SERPINB9: variants seen among roughly 807,000 people sequenced by gnomAD.
The protein encoded by SERPINB9 is serpin B9.
SERPINB9 carries 20 observed loss-of-function variants against 27.2 expected under a neutral mutation model. The observed-to-expected ratio is 0.74, with a 90% confidence interval of 0.52 to 1.07. The LOEUF (loss-of-function observed/expected upper bound fraction) is 1.07. SERPINB9 is among the 50% of genes least tolerant of loss of function. The pLI is 0.00. For missense variants in SERPINB9, 476 were observed against 460.1 expected, an observed-to-expected ratio of 1.03 and a Z score of -0.32; for synonymous variants, 189 against 180.0, an observed-to-expected ratio of 1.05 and a Z score of -0.40.
intron 1 of SERPINB9, among the ~76,000 whole-genome samples, chr6:2,901,825 G>T (rs1048479067): frequency 5.9e-5 from 9 of 151,746 alleles, no homozygotes; most frequent in Admixed American, 6.6e-5. Flanking sequence ...CCGAGCCTCT[G>T]GTCTCCCTAG....
rs1767710125 is a variant in SERPINB9, at chr6:2,889,559, G to T, written c.*604C>A. On this transcript the variant is annotated 3_prime_UTR_variant, in exon 7 of 7. Coordinates refer to ENST00000380698, the MANE Select transcript of SERPINB9 (RefSeq NM_004155.6). ...AAATACAAAAAATTAGCCGGGCGTG[G>T]TGGCGGGCGCCTGTAGTCCCAGCTA... 6.6e-6 allele frequency: 1 copy of T among 151,872 alleles called. No homozygotes were observed. The highest frequency in any genetic ancestry group is 1.5e-5 in the Non-Finnish European group (1 of 67,976). 9.4% of individuals were successfully genotyped at this position (151,872 alleles called of 1,614,324 possible). A position where few individuals can be genotyped will look rare whatever the true frequency, so the allele number is the denominator to read the frequency against.
In SERPINB9 at chr6:2,896,192, T is replaced by C; in HGVS notation, c.169-2A>G. 1.2e-6 allele frequency: 2 copies of C among 1,612,094 alleles called. No homozygotes were observed. The highest frequency in any genetic ancestry group is 1.7e-6 in the Non-Finnish European group (2 of 1,179,426). Reference sequence around the variant, plus strand: ...TTCCTCTGTGTTTAAAGACAGTGCCTGTTGTGAAAGATAATTTTAAAAGTT... The same window carrying C: ...TTCCTCTGTGTTTAAAGACAGTGCCCGTTGTGAAAGATAATTTTAAAAGTT... On this transcript the variant is annotated splice_acceptor_variant, in intron 2 of 6. Coordinates refer to ENST00000380698, the MANE Select transcript of SERPINB9 (RefSeq NM_004155.6). LOFTEE classifies it high-confidence loss of function.
At chr6:2,900,885 T>TCTCTCACACACACACACA (rs61100591) in intron 1 of SERPINB9, among the ~76,000 whole-genome samples, 1,792 of 141,562 alleles carry the variant, frequency 0.013, 22 homozygotes, top group African/African-American at 0.035. Context: ...GCTCGCTCTC[T>TCTCTCACACACACACACA]CACACACACA....
intron 4 of SERPINB9, 95 bp downstream of exon 4, chr6:2,895,296 G>A: frequency 1.3e-6 from 1 of 751,132 alleles, no homozygotes; most frequent in Non-Finnish European, 2.3e-6. Flanking sequence ...GGGAGAGGAG[G>A]AGGAGAGAGG....
rs568269623 is a variant in SERPINB9, at chr6:2,894,191, G to A, written c.425-638C>T. On this transcript the variant is annotated intron_variant, in intron 4 of 6. Transcript: ENST00000380698. The surrounding 1 kb of genome is among the most constrained non-coding windows in gnomAD (Gnocchi z 4.7). ...CCCACTGCCTGAAGAGAGCATCCGT[G>A]GTAAATACTCCAAGCAGGAATGCGG... Among the ~76,000 whole-genome samples the A allele has an allele frequency of 2.6e-5, 4 of 152,218 alleles. No homozygotes were observed. The highest frequency in any genetic ancestry group is 6.5e-5 in the Admixed American group (1 of 15,296).
chr6:2,892,109 A>T, intron 5 of SERPINB9, 121 bp from the exon 6 acceptor site: 2 of 143,144 alleles, frequency 1.4e-5, no homozygotes, highest in Non-Finnish European at 1.3e-5. Flanking sequence ...TAACACTAAA[A>T]AAAAAAAAAA....
chr6:2,898,760 G>A (rs897535261), intron 2 of SERPINB9, among the ~76,000 whole-genome samples: 1 of 151,636 alleles, frequency 6.6e-6, no homozygotes, highest in Admixed American at 6.6e-5. Context: ...CTTGCAGTAA[G>A]CTGAGATCGC....
At position 2,888,279 on chromosome 6, in the gene SERPINB9, T is replaced by C. The variant is rs1767662064; in HGVS notation, c.*1884A>G. 1 of 152,184 alleles carries C rather than the reference T, an allele frequency of 6.6e-6. No homozygotes were observed. The highest frequency in any genetic ancestry group is 1.5e-5 in the Non-Finnish European group (1 of 68,032). The allele number at this position is 152,184 out of a possible 1,614,324, so 9.4% of individuals were successfully genotyped here. On this transcript the variant is annotated 3_prime_UTR_variant, in exon 7 of 7. Transcript: ENST00000380698. The stretch of plus-strand genomic sequence containing the variant: ...ACTGCTGTGGAAAACAGTTTGTCTG[T>C]TCCTCAAAAAGCTAAACATAGAATT...
Position 2,896,227 on chromosome 6 carries a change from G to T in SERPINB9, c.169-37C>A, listed in dbSNP as rs1448045817. 1.9e-6 allele frequency: 3 copies of T among 1,599,194 alleles called. 1 individual carries two copies. The South Asian group carries it at 3.4e-5, about 18-fold the overall frequency. On this transcript the variant is annotated intron_variant, in intron 2 of 6. Coordinates refer to ENST00000380698, the MANE Select transcript of SERPINB9 (RefSeq NM_004155.6). ...GATAATTTTAAAAGTTATCAAGATA[G>T]CTCTTTGATGGCTGGGGAGAGGAGA...
chr6:2,892,105 T>TAAAAAAAAAAAAAAAAAA lies in SERPINB9; in HGVS notation c.568-135_568-118dup, dbSNP rs535487251. On this transcript the variant is annotated intron_variant, in intron 5 of 6. Transcript: ENST00000380698. ...GCCACATTCATGCCCCAGTTAACAC[T>TAAAAAAAAAAAAAAAAAA]AAAAAAAAAAAAAAAAAAAAAAAAA... The TAAAAAAAAAAAAAAAAAA allele has an allele frequency of 1.9e-5, 2 of 107,666 alleles. 1 individual carries two copies. Among genetic ancestry groups the TAAAAAAAAAAAAAAAAAA allele is most frequent in the African/African-American group, 1.5e-4 (2 of 12,948 alleles). The allele number at this position is 107,666 out of a possible 1,614,324, so 6.7% of individuals were successfully genotyped here.
chr6:2,890,368 A>G lies in SERPINB9; in HGVS notation c.926T>C (p.Leu309Pro), dbSNP rs753268514. Residue 309 changes from leucine (L) to proline (P), a missense_variant, in exon 7 of 7, where the codon CTG (leucine) becomes CCG (proline). Physicochemically the swap from Leu to Pro is moderately conservative, Grantham distance 98 (BLOSUM62 -3). Transcript: ENST00000380698. This position sits in a 1 kb window ranked among gnomAD's most constrained non-coding sequence, Gnocchi z 6.2. ...DLSAMSAERD[L>P]CLSKFVHKSF... Reference sequence around the variant, plus strand: ...CTTGTGCACGAACTTGGACAGACACAGGTCTCTCTCCGCTGACATTGCCGA... The same window carrying G: ...CTTGTGCACGAACTTGGACAGACACGGGTCTCTCTCCGCTGACATTGCCGA... 11 of 1,614,114 alleles carry G rather than the reference A, an allele frequency of 6.8e-6. No individual in the cohort carries two copies. The highest frequency in any genetic ancestry group is 2.2e-5 in the East Asian group (1 of 44,900).
In SERPINB9 at chr6:2,890,717, G is replaced by A; in HGVS notation, c.724-147C>T. The A allele has an allele frequency of 1.3e-6, 1 of 744,798 alleles. No homozygotes were observed. The highest frequency in any genetic ancestry group is 1.8e-5 in the African/African-American group (1 of 56,900). The allele number at this position is 744,798 out of a possible 1,614,324, so 46.1% of individuals were successfully genotyped here. ...GCCCCTTCATCTGCCAGAAGCTTGT[G>A]AGCACTCTTACTTGTCCTATGTCCC... On this transcript the variant is annotated intron_variant, in intron 6 of 6. Transcript: ENST00000380698. The surrounding 1 kb of genome is among the most constrained non-coding windows in gnomAD (Gnocchi z 6.2).
intron 2 of SERPINB9, 131 bp downstream of exon 2, chr6:2,900,313 G>C: frequency 1.8e-6 from 2 of 1,111,810 alleles, no homozygotes; most frequent in Non-Finnish European, 2.6e-6. Flanking sequence ...CCGCCTCCCT[G>C]AAACGGCCAG....
chr6:2,889,411 T>C lies in SERPINB9; in HGVS notation c.*752A>G, dbSNP rs1254143255. Reference sequence around the variant, plus strand: ...TCAAAGAAAAAGATAAAAGATAAAATATAGCCGGGCGCGGTGGCTCAAGCC... The same window carrying C: ...TCAAAGAAAAAGATAAAAGATAAAACATAGCCGGGCGCGGTGGCTCAAGCC... On this transcript the variant is annotated 3_prime_UTR_variant, in exon 7 of 7. Transcript: ENST00000380698. 1 of 152,160 alleles carries C rather than the reference T, an allele frequency of 6.6e-6. No homozygotes were observed. Among genetic ancestry groups the C allele is most frequent in the Non-Finnish European group, 1.5e-5 (1 of 68,120 alleles). 9.4% of individuals were successfully genotyped at this position (152,160 alleles called of 1,614,324 possible).
At chr6:2,897,674 G>C (rs527654437) in intron 2 of SERPINB9, among the ~76,000 whole-genome samples, 20 of 152,142 alleles carry the variant, frequency 1.3e-4, no homozygotes, top group African/African-American at 3.9e-4. Context: ...AAACTCCCAA[G>C]GAATTTTGGG....
chr6:2,896,210 TAA>T lies in SERPINB9; in HGVS notation c.169-22_169-21del, dbSNP rs1561646337. ...CAGTGCCTGTTGTGAAAGATAATTT[TAA>T]AAGTTATCAAGATAGCTCTTTGATG... On this transcript the variant is annotated intron_variant, in intron 2 of 6. Coordinates refer to ENST00000380698, the MANE Select transcript of SERPINB9 (RefSeq NM_004155.6). 1.2e-6 allele frequency: 2 copies of T among 1,610,592 alleles called. No individual in the cohort carries two copies. Among genetic ancestry groups the T allele is most frequent in the South Asian group, 2.2e-5 (2 of 90,426 alleles).
At chr6:2,901,480 C>T (rs1768200154) in intron 1 of SERPINB9, among the ~76,000 whole-genome samples, 1 of 152,172 alleles carries the variant, frequency 6.6e-6, no homozygotes, top group African/African-American at 2.4e-5. Flanking sequence ...CTGCAGAACG[C>T]CAGAATGGAA....
chr6:2,897,748 AAAAC>A (rs1768048976), intron 2 of SERPINB9, among the ~76,000 whole-genome samples: 1 of 152,234 alleles, frequency 6.6e-6, no homozygotes, highest in Non-Finnish European at 1.5e-5. Context: ...ACATACATAC[AAAAC>A]AGACAGCCAC....
chr6:2,893,577 A>G (rs752418201), intron 4 of SERPINB9, 24 bp from the exon 5 acceptor site: 25 of 1,603,222 alleles, frequency 1.6e-5, no homozygotes, highest in Non-Finnish European at 2.0e-5. Flanking sequence ...TAGAGACTAC[A>G]TTCAGTTGCT....
Sources: allele counts gnomAD v4.1 joint callset (sites outside exome capture counted in the v4.1 genomes callset), GRCh38; gene constraint gnomAD v4.1.1; non-coding constraint Gnocchi (gnomAD v3.1); transcripts MANE v1.5; gene names NCBI Gene and HGNC (gene_info 2026-07-23, HGNC 2026-07-21).